The following SEMA3A variants were observed in gnomAD, a reference collection of about 807,000 sequenced individuals.
The protein encoded by SEMA3A is semaphorin-3A.
Under a neutral mutation model 97.9 loss-of-function variants are expected in SEMA3A, and 29 were observed. The observed-to-expected ratio is 0.30, with a 90% CI of 0.22 to 0.40. The LOEUF (loss-of-function observed/expected upper bound fraction) is 0.40, where lower values mean the gene tolerates loss of function less well. SEMA3A is among the 10% of genes least tolerant of loss of function. The probability of loss-of-function intolerance (pLI) is 1.00; values close to 1 mark genes in which losing one functional copy is unlikely to be tolerated. For synonymous variants in SEMA3A, 321 were observed against 323.7 expected (o/e 0.99, Z 0.09); for missense variants, 763 against 951.3 (o/e 0.80, Z 2.60).
chr7:84,490,213 A>AT, intron 1 of SEMA3A, among the ~76,000 whole-genome samples: 1 of 151,652 alleles, frequency 6.6e-6, no homozygotes, highest in East Asian at 1.9e-4. Flanking sequence ...AAAAAAAAAA[A>AT]AAAAAATTAA....
intron 3 of SEMA3A, among the ~76,000 whole-genome samples, chr7:84,265,178 C>G (rs191335412): frequency 6.6e-6 from 1 of 152,208 alleles, no homozygotes. Context: ...TATTATTACA[C>G]GTAATCATAT....
chr7:84,257,827 T>A (rs1799752264), intron 3 of SEMA3A, among the ~76,000 whole-genome samples: 1 of 152,182 alleles, frequency 6.6e-6, no homozygotes, highest in Non-Finnish European at 1.5e-5. Flanking sequence ...ATGGTTTAGA[T>A]GAAATGAATA....
chr7:84,309,107 C>T (rs1801248341), intron 2 of SEMA3A, among the ~76,000 whole-genome samples: 1 of 152,110 alleles, frequency 6.6e-6, no homozygotes, highest in South Asian at 2.1e-4. Flanking sequence ...CGTGAGCTAC[C>T]ACGCCCGGCC....
intron 1 of SEMA3A, among the ~76,000 whole-genome samples, chr7:84,431,542 A>AT (rs1253188344): frequency 1.3e-5 from 2 of 152,004 alleles, no homozygotes; most frequent in African/African-American, 2.4e-5. Context: ...TGACTAAAGC[A>AT]TTTTTTGTCA....
intron 9 of SEMA3A, 112 bp downstream of exon 9, chr7:84,010,910 C>G: frequency 1.4e-6 from 1 of 706,660 alleles, no homozygotes; most frequent in South Asian, 2.0e-5. Flanking sequence ...CACAACAGCT[C>G]AAAGGTTAAA....
intron 2 of SEMA3A, among the ~76,000 whole-genome samples, chr7:84,350,667 T>C: frequency 6.6e-6 from 1 of 152,194 alleles, no homozygotes; most frequent in East Asian, 1.9e-4. Context: ...ATATACCACA[T>C]TAACTTCTAA....
At chr7:83,995,073 G>T (rs1189877316) in intron 12 of SEMA3A, among the ~76,000 whole-genome samples, 1 of 152,106 alleles carries the variant, frequency 6.6e-6, no homozygotes, top group African/African-American at 2.4e-5. Flanking sequence ...GGAGTGACCC[G>T]ATTTTCCAGG....
chr7:84,043,296 T>C (rs551515176), intron 6 of SEMA3A, among the ~76,000 whole-genome samples: 1 of 152,190 alleles, frequency 6.6e-6, no homozygotes, highest in African/African-American at 2.4e-5. Context: ...GGCATTATCA[T>C]ATAAATTTTC....
intron 1 of SEMA3A, among the ~76,000 whole-genome samples, chr7:84,405,599 G>A (rs1804057657): frequency 6.6e-6 from 1 of 152,002 alleles, no homozygotes; most frequent in South Asian, 2.1e-4. Context: ...TGCATTCTTT[G>A]CAGCACCACA....
intron 1 of SEMA3A, among the ~76,000 whole-genome samples, chr7:84,459,940 T>G (rs1045331626): frequency 3.9e-5 from 6 of 152,100 alleles, no homozygotes; most frequent in African/African-American, 1.2e-4. Flanking sequence ...GATGGGAAGA[T>G]CGCTTGAGTC....
chr7:84,423,954 C>T (rs2706915), intron 1 of SEMA3A, among the ~76,000 whole-genome samples: 17,440 of 151,852 alleles, frequency 0.11, 1,888 homozygotes, highest in African/African-American at 0.27. Flanking sequence ...TAACACCTTA[C>T]CCCAGCAAGA....
At chr7:84,088,470 G>A (rs894461524) in intron 4 of SEMA3A, among the ~76,000 whole-genome samples, 1 of 151,736 alleles carries the variant, frequency 6.6e-6, no homozygotes, top group Non-Finnish European at 1.5e-5. Context: ...AAAAAAGAAA[G>A]TATGCTTGAC....
chr7:84,406,270 C>A (rs577188981), intron 1 of SEMA3A, among the ~76,000 whole-genome samples: 1 of 152,250 alleles, frequency 6.6e-6, no homozygotes, highest in East Asian at 1.9e-4. Flanking sequence ...ACTATAAACA[C>A]CTCTAGGCAA....
chr7:83,976,104 T>A (rs1011110952), intron 15 of SEMA3A, among the ~76,000 whole-genome samples: 169 of 152,148 alleles, frequency 1.1e-3, no homozygotes, highest in African/African-American at 3.9e-3. Flanking sequence ...CCCCAAACAA[T>A]CCCGTGAGCA....
At chr7:84,206,837 T>TA (rs67630965) in intron 3 of SEMA3A, among the ~76,000 whole-genome samples, 364 of 141,664 alleles carry the variant, frequency 2.6e-3, no homozygotes, top group African/African-American at 7.8e-3. Flanking sequence ...CAGGATATGG[T>TA]AAAAAAAAAA....
At chr7:84,074,214 C>T (rs867976619) in intron 4 of SEMA3A, among the ~76,000 whole-genome samples, 5 of 152,076 alleles carry the variant, frequency 3.3e-5, no homozygotes, top group Admixed American at 2.0e-4. Flanking sequence ...GGTTTCCTGG[C>T]CTGTATGAAA....
chr7:83,994,855 T>G (rs1455160461), intron 12 of SEMA3A, among the ~76,000 whole-genome samples: 1 of 152,084 alleles, frequency 6.6e-6, no homozygotes, highest in Non-Finnish European at 1.5e-5. Context: ...CAGTTGGAAC[T>G]TCCCGGCTGC....
chr7:84,223,879 A>G (rs562967150), intron 3 of SEMA3A, among the ~76,000 whole-genome samples: 5 of 151,960 alleles, frequency 3.3e-5, no homozygotes, highest in African/African-American at 1.2e-4. Flanking sequence ...TATATTACAT[A>G]CTTCTATTGA....
At chr7:84,447,194 G>C (rs546339678) in intron 1 of SEMA3A, among the ~76,000 whole-genome samples, 1 of 152,334 alleles carries the variant, frequency 6.6e-6, no homozygotes, top group Admixed American at 6.5e-5. Context: ...TTTGAGTGCT[G>C]ACGAGTATGG....
Sources: allele counts gnomAD v4.1 joint callset (sites outside exome capture counted in the v4.1 genomes callset), GRCh38; gene constraint gnomAD v4.1.1; transcripts MANE v1.5; gene names NCBI Gene and HGNC (gene_info 2026-07-23, HGNC 2026-07-21).